The following TMEM132C variants were observed in gnomAD, a reference collection of about 807,000 sequenced individuals.
The protein encoded by TMEM132C is protein phosphatase 1, regulatory subunit 152.
In TMEM132C, 29 loss-of-function variants were observed where a neutral mutation model predicts 61.4. The observed-to-expected ratio is 0.47, with a 90% confidence interval of 0.35 to 0.64. TMEM132C has a LOEUF of 0.64. Among genes scored for constraint, TMEM132C ranks in the 30% least tolerant of loss-of-function variants. The pLI is 0.00. For synonymous variants in TMEM132C, 656 were observed against 633.1 expected (o/e 1.04, Z -0.54); for missense variants, 1,408 against 1,476.9 (o/e 0.95, Z 0.76).
chr12:128,432,090 C>T (rs1196666037), intron 2 of TMEM132C, among the ~76,000 whole-genome samples: 1 of 152,168 alleles, frequency 6.6e-6, no homozygotes, highest in African/African-American at 2.4e-5. Flanking sequence ...TGAGACCCAG[C>T]GCTCAGAAAA....
At chr12:128,320,877 C>A (rs1872308582) in intron 1 of TMEM132C, among the ~76,000 whole-genome samples, 1 of 151,400 alleles carries the variant, frequency 6.6e-6, no homozygotes, top group African/African-American at 2.4e-5. Flanking sequence ...TTAAAATAGG[C>A]CTCCAAGAAA....
intron 2 of TMEM132C, among the ~76,000 whole-genome samples, chr12:128,529,106 A>G (rs925240112): frequency 1.3e-5 from 2 of 152,050 alleles, no homozygotes; most frequent in African/African-American, 4.8e-5. Flanking sequence ...AACACTGTTC[A>G]TCTCAGAAAT....
intron 2 of TMEM132C, among the ~76,000 whole-genome samples, chr12:128,519,060 A>G (rs1289590167): frequency 2.6e-5 from 4 of 152,246 alleles, no homozygotes; most frequent in African/African-American, 9.6e-5. Context: ...TGTTATACTT[A>G]AAGTGATAAA....
At chr12:128,276,555 C>T (rs986278559) in intron 1 of TMEM132C, among the ~76,000 whole-genome samples, 6 of 152,184 alleles carry the variant, frequency 3.9e-5, no homozygotes, top group African/African-American at 1.2e-4. Context: ...TTCCCTTCTC[C>T]TTCTGAGTTC....
intron 4 of TMEM132C, among the ~76,000 whole-genome samples, chr12:128,667,104 G>A (rs1365554500): frequency 2.0e-5 from 3 of 152,238 alleles, no homozygotes; most frequent in Non-Finnish European, 4.4e-5. Flanking sequence ...GATAGAGATA[G>A]AGATAGAGAT....
rs550945424 is a variant in TMEM132C, at chr12:128,493,167, T to C, written c.975-50790T>C. ...CAAAGATCAGATGGTTTTAGATGTG[T>C]AGTATTATTTCTGAGGGCTCTGTTC... On this transcript the variant is annotated intron_variant, in intron 2 of 8. Coordinates refer to ENST00000435159, the MANE Select transcript of TMEM132C (RefSeq NM_001136103.3). 5.3e-4 allele frequency among the ~76,000 whole-genome samples: 81 copies of C among 152,258 alleles called. 1 individual carries two copies. The highest frequency in any genetic ancestry group is 1.8e-3 in the African/African-American group (74 of 41,534).
At chr12:128,666,118 C>T (rs1428032125) in intron 4 of TMEM132C, among the ~76,000 whole-genome samples, 1 of 149,912 alleles carries the variant, frequency 6.7e-6, no homozygotes, top group Non-Finnish European at 1.5e-5. Flanking sequence ...AACACACAGG[C>T]ACCCACACAC....
intron 2 of TMEM132C, among the ~76,000 whole-genome samples, chr12:128,493,104 G>C (rs1332196101): frequency 6.6e-6 from 1 of 152,104 alleles, no homozygotes; most frequent in African/African-American, 2.4e-5. Flanking sequence ...TATTAAATAG[G>C]GAATCCTTTC....
chr12:128,476,160 G>T (rs1253146677), intron 2 of TMEM132C, among the ~76,000 whole-genome samples: 1 of 152,186 alleles, frequency 6.6e-6, no homozygotes, highest in Non-Finnish European at 1.5e-5. Flanking sequence ...AGTTACCTGT[G>T]ACTGGCAGGG....
intron 2 of TMEM132C, among the ~76,000 whole-genome samples, chr12:128,426,259 A>G (rs765038303): frequency 6.6e-6 from 1 of 152,222 alleles, no homozygotes; most frequent in Non-Finnish European, 1.5e-5. Context: ...GCTTCATTTC[A>G]GGGAGCGAAG....
In TMEM132C at chr12:128,643,076, G is replaced by A. The variant is rs147939559; in HGVS notation, c.1306-26341G>A. Among the ~76,000 whole-genome samples, 902 of 152,230 alleles carry A rather than the reference G, an allele frequency of 5.9e-3. 11 individuals carry two copies. Among genetic ancestry groups the A allele is most frequent in the African/African-American group, 0.02 (851 of 41,536 alleles). ...TTGAATTTGCCAGAAAAACCATGGCGTCGACGCACCAGTTCACTTCCCCTT... is the reference window on the plus strand; with the variant it reads ...TTGAATTTGCCAGAAAAACCATGGCATCGACGCACCAGTTCACTTCCCCTT... On this transcript the variant is annotated intron_variant, in intron 4 of 8. Coordinates refer to ENST00000435159, the MANE Select transcript of TMEM132C (RefSeq NM_001136103.3).
chr12:128,574,806 G>C (rs1288823959), intron 3 of TMEM132C, among the ~76,000 whole-genome samples: 1 of 152,106 alleles, frequency 6.6e-6, no homozygotes, highest in Non-Finnish European at 1.5e-5. Flanking sequence ...CACTGAATTT[G>C]GCCAGTGCAG....
intron 1 of TMEM132C, among the ~76,000 whole-genome samples, chr12:128,338,218 G>A (rs142476328): frequency 1.3e-5 from 2 of 152,254 alleles, no homozygotes; most frequent in East Asian, 3.9e-4. Context: ...GCACTGGTTA[G>A]GTTTGCACAC....
intron 3 of TMEM132C, among the ~76,000 whole-genome samples, chr12:128,563,427 A>AACC (rs1874590052): frequency 6.6e-6 from 1 of 152,312 alleles, no homozygotes; most frequent in South Asian, 2.1e-4. Context: ...CATGAGCAAG[A>AACC]ACCAGCACAA....
intron 2 of TMEM132C, among the ~76,000 whole-genome samples, chr12:128,469,925 A>G (rs893329595): frequency 6.6e-6 from 1 of 152,188 alleles, no homozygotes; most frequent in African/African-American, 2.4e-5. Context: ...ATATAAATAC[A>G]TACACATATG....
intron 3 of TMEM132C, among the ~76,000 whole-genome samples, chr12:128,594,926 TGCCTG>T (rs1875894017): frequency 6.6e-6 from 1 of 152,224 alleles, no homozygotes; most frequent in Non-Finnish European, 1.5e-5. Context: ...ACGGCCTCAG[TGCCTG>T]TGATTTGAAA....
chr12:128,695,570 CAT>C (rs111674154), intron 6 of TMEM132C, among the ~76,000 whole-genome samples: 2 of 152,316 alleles, frequency 1.3e-5, no homozygotes, highest in African/African-American at 2.4e-5. Flanking sequence ...AAAATAGCCA[CAT>C]GTGTCCAATG....
At chr12:128,613,039 G>C (rs1187969986) in intron 3 of TMEM132C, among the ~76,000 whole-genome samples, 1 of 152,228 alleles carries the variant, frequency 6.6e-6, no homozygotes, top group Non-Finnish European at 1.5e-5. Context: ...AACTTTGTAA[G>C]AGAGTGAAGA....
At chr12:128,338,370 T>G (rs1872847799) in intron 1 of TMEM132C, among the ~76,000 whole-genome samples, 1 of 152,212 alleles carries the variant, frequency 6.6e-6, no homozygotes, top group South Asian at 2.1e-4. Flanking sequence ...CTGTCACAGC[T>G]TAATCATCCA....
Sources: allele counts gnomAD v4.1 joint callset (sites outside exome capture counted in the v4.1 genomes callset), GRCh38; gene constraint gnomAD v4.1.1; transcripts MANE v1.5; gene names NCBI Gene and HGNC (gene_info 2026-07-23, HGNC 2026-07-21).